TBC1D9: variants seen among roughly 807,000 people sequenced by gnomAD.
TBC1D9 encodes TBC1 domain family member 9.
In TBC1D9, 63 loss-of-function variants were observed where a neutral mutation model predicts 132.0. The ratio of observed to expected loss-of-function variants is 0.48; its 90% CI spans 0.39 to 0.59. The LOEUF is 0.59. TBC1D9 is among the 20% of genes least tolerant of loss of function. The pLI is 0.00. For synonymous variants in TBC1D9, 610 were observed against 609.9 expected (o/e 1.00, Z 0.00); for missense variants, 1,261 against 1,592.7 (o/e 0.79, Z 3.54).
At chr4:140,747,029 T>A (rs1429183741) in intron 1 of TBC1D9, among the ~76,000 whole-genome samples, 1 of 151,264 alleles carries the variant, frequency 6.6e-6, no homozygotes, top group Non-Finnish European at 1.5e-5. Flanking sequence ...AATAAATAAA[T>A]AAATAAATAA....
intron 1 of TBC1D9, among the ~76,000 whole-genome samples, chr4:140,725,091 A>G (rs996684224): frequency 2.0e-5 from 3 of 152,362 alleles, no homozygotes; most frequent in African/African-American, 7.2e-5. Context: ...ACAATTAGCC[A>G]AATAACATAT....
intron 10 of TBC1D9, among the ~76,000 whole-genome samples, chr4:140,661,007 C>T (rs551081254): frequency 9.2e-5 from 14 of 152,156 alleles, no homozygotes; most frequent in African/African-American, 2.9e-4. Flanking sequence ...CTCCACCTCC[C>T]GGGTTCAGGC....
chr4:140,705,511 C>CATGTGT (rs1738136918), intron 1 of TBC1D9, among the ~76,000 whole-genome samples: 1 of 114,318 alleles, frequency 8.7e-6, no homozygotes, highest in Non-Finnish European at 1.7e-5. Flanking sequence ...GGGGTGTGTG[C>CATGTGT]ATGTGTGTGT....
intron 1 of TBC1D9, among the ~76,000 whole-genome samples, chr4:140,721,016 C>T (rs1738415273): frequency 6.6e-6 from 1 of 152,128 alleles, no homozygotes; most frequent in Non-Finnish European, 1.5e-5. Flanking sequence ...CTCAGCTCAG[C>T]CAGTCTTTGA....
chr4:140,644,180 C>A (rs993290905), intron 13 of TBC1D9: 3 of 346,952 alleles, frequency 8.6e-6, no homozygotes, highest in Non-Finnish European at 1.1e-5. Context: ...GGGCTTGGAA[C>A]GGATACCTGG....
intron 12 of TBC1D9, 27 bp from the exon 13 acceptor site, chr4:140,657,253 C>G (rs1420832384): frequency 6.2e-7 from 1 of 1,606,922 alleles, no homozygotes; most frequent in Non-Finnish European, 8.5e-7. Context: ...TCAGAAGTCA[C>G]AGGAGAAGAA....
chr4:140,624,424 G>A (rs951861805), intron 18 of TBC1D9, 36 bp from the exon 19 acceptor site: 1 of 1,567,758 alleles, frequency 6.4e-7, no homozygotes, highest in African/African-American at 1.3e-5. Context: ...AAAGTAGAAT[G>A]TTATATAATA....
At chr4:140,736,364 A>G (rs1475681891) in intron 1 of TBC1D9, among the ~76,000 whole-genome samples, 2 of 152,032 alleles carry the variant, frequency 1.3e-5, no homozygotes. Context: ...AACATGGTGA[A>G]ACCCCATCTC....
At chr4:140,711,958 A>G (rs1226780031) in intron 1 of TBC1D9, among the ~76,000 whole-genome samples, 1 of 152,204 alleles carries the variant, frequency 6.6e-6, no homozygotes. Flanking sequence ...ATGTACATTC[A>G]ATACATTTAT....
chr4:140,651,765 G>C (rs1289272152), intron 13 of TBC1D9, among the ~76,000 whole-genome samples: 2 of 152,126 alleles, frequency 1.3e-5, no homozygotes, highest in African/African-American at 2.4e-5. Context: ...GTGGGGAGGA[G>C]TAATAAAACA....
At chr4:140,640,628 C>T (rs191630525) in intron 13 of TBC1D9, among the ~76,000 whole-genome samples, 18 of 152,192 alleles carry the variant, frequency 1.2e-4, no homozygotes, top group Middle Eastern at 3.4e-3. Flanking sequence ...AATTTCCAAG[C>T]GTAACTTTTC....
chr4:140,673,540 G>A (rs1429399548), intron 6 of TBC1D9, among the ~76,000 whole-genome samples: 1 of 152,080 alleles, frequency 6.6e-6, no homozygotes, highest in Non-Finnish European at 1.5e-5. Flanking sequence ...TTACCTAAAG[G>A]TAATAAAAAT....
At position 140,639,332 on chromosome 4, in the gene TBC1D9, C is replaced by T. The variant is rs778329098; in HGVS notation, c.2434G>A (p.Val812Met). 3.7e-6 allele frequency: 6 copies of T among 1,608,790 alleles called. No homozygotes were observed. The highest frequency in any genetic ancestry group is 2.7e-5 in the African/African-American group (2 of 74,866). Residue 812 changes from valine (V) to methionine (M), a missense_variant and splice_region_variant, in exon 14 of 21, where the codon GTG (valine) becomes ATG (methionine). Physicochemically the swap from Val to Met is conservative, Grantham distance 21. This residue lies in a region of TBC1D9 where 618 missense variants were observed against 724.4 expected (regional missense o/e 0.85). Coordinates refer to ENST00000442267, the MANE Select transcript of TBC1D9 (RefSeq NM_015130.3). ...QTLEDTTKRN[V>M]VRTIVTETSF... ...CTGCTACTTCTTAAAGGACTTACCA[C>T]GTTGCGTTTCGTAGTATCCTCCAGC...
chr4:140,628,286 T>A lies in TBC1D9; in HGVS notation c.2812+14A>T. The A allele has an allele frequency of 6.2e-7, 1 of 1,613,634 alleles. No individual in the cohort carries two copies. Among genetic ancestry groups the A allele is most frequent in the Non-Finnish European group, 8.5e-7 (1 of 1,179,554 alleles). On this transcript the variant is annotated intron_variant, in intron 17 of 20. Transcript: ENST00000442267. ...GGTTACAGACACAAGTACTGCTCCATGTAGCTCACTCACCAGGCAAGACGT... is the reference window on the plus strand; with the variant it reads ...GGTTACAGACACAAGTACTGCTCCAAGTAGCTCACTCACCAGGCAAGACGT...
At chr4:140,745,006 T>C (rs1043497484) in intron 1 of TBC1D9, among the ~76,000 whole-genome samples, 3 of 151,904 alleles carry the variant, frequency 2.0e-5, no homozygotes, top group Non-Finnish European at 4.4e-5. Context: ...TCCAGATCTA[T>C]AGATAATAAC....
intron 11 of TBC1D9, among the ~76,000 whole-genome samples, chr4:140,659,230 A>G (rs1383061956): frequency 6.6e-6 from 1 of 152,182 alleles, no homozygotes; most frequent in Admixed American, 6.5e-5. Context: ...TTTTTTGGCA[A>G]CACCTCTGTA....
chr4:140,642,856 G>C (rs1404381125), intron 13 of TBC1D9: 1 of 576,504 alleles, frequency 1.7e-6, no homozygotes, highest in Non-Finnish European at 3.1e-6. Flanking sequence ...GCGTGGGTCT[G>C]TTTCCACGGC....
chr4:140,755,948 G>A lies in TBC1D9; in HGVS notation c.98C>T (p.Ala33Val). Residue 33 changes from alanine (A) to valine (V), a missense_variant, in exon 1 of 21, where the codon GCC (alanine) becomes GTC (valine). Ala to Val is a moderately conservative substitution (Grantham distance 64). This residue lies in a region of TBC1D9 where 550 missense variants were observed against 699.0 expected (regional missense o/e 0.79). Coordinates refer to ENST00000442267, the MANE Select transcript of TBC1D9 (RefSeq NM_015130.3). ...YFILQRRKGH[A>V]GDGGGGGGLA... ...TCCGCCGCCGCCGCCTCCATCGCCG[G>A]CGTGGCCCTTCCTCCGCTGCAGGAT... The A allele has an allele frequency of 6.3e-7, 1 of 1,593,602 alleles. No individual in the cohort carries two copies. Among genetic ancestry groups the A allele is most frequent in the Non-Finnish European group, 8.5e-7 (1 of 1,171,474 alleles).
intron 6 of TBC1D9, among the ~76,000 whole-genome samples, chr4:140,673,601 A>C (rs1218586428): frequency 1.3e-5 from 2 of 152,270 alleles, no homozygotes; most frequent in East Asian, 1.9e-4. Context: ...CTCTACCATT[A>C]ATACATCACA....
Sources: allele counts gnomAD v4.1 joint callset (sites outside exome capture counted in the v4.1 genomes callset), GRCh38; gene constraint gnomAD v4.1.1; regional missense constraint gnomAD v4.1.1; transcripts MANE v1.5; gene names NCBI Gene and HGNC (gene_info 2026-07-23, HGNC 2026-07-21).